MEX3A: variants seen among roughly 807,000 people sequenced by gnomAD.
The protein encoded by MEX3A is mex-3 RNA binding family member A.
Under a neutral mutation model 30.0 loss-of-function variants are expected in MEX3A, and 4 were observed. The observed-to-expected ratio is 0.13, with a 90% CI of 0.07 to 0.30. The LOEUF (loss-of-function observed/expected upper bound fraction) is 0.30. Among genes scored for constraint, MEX3A ranks in the 10% least tolerant of loss-of-function variants. The pLI, the probability that MEX3A is intolerant of heterozygous loss-of-function variation, is 1.00. For missense variants in MEX3A, 555 were observed against 736.7 expected, an observed-to-expected ratio of 0.75 and a Z score of 2.86; for synonymous variants, 335 against 327.6, an observed-to-expected ratio of 1.02 and a Z score of -0.24.
At position 156,076,431 on chromosome 1, in the gene MEX3A, A is replaced by T; in HGVS notation, c.*143T>A. ...GAAAGTGGCGCACCCTCCAGCCACCACTGCCTCCCTCCCCCCTTCCCCAGC... is the reference window on the plus strand; with the variant it reads ...GAAAGTGGCGCACCCTCCAGCCACCTCTGCCTCCCTCCCCCCTTCCCCAGC... On this transcript the variant is annotated 3_prime_UTR_variant, in exon 2 of 2. Transcript: ENST00000532414. The surrounding 1 kb of genome is among the most constrained non-coding windows in gnomAD (Gnocchi z 6.0). 1 of 868,816 alleles carries T rather than the reference A, an allele frequency of 1.2e-6. No homozygotes were observed. Among genetic ancestry groups the T allele is most frequent in the Middle Eastern group, 3.5e-4 (1 of 2,862 alleles). 53.8% of individuals were successfully genotyped at this position (868,816 alleles called of 1,614,324 possible).
chr1:156,078,845 C>T (rs1264451079), intron 1 of MEX3A, among the ~76,000 whole-genome samples: 1 of 152,106 alleles, frequency 6.6e-6, no homozygotes, highest in African/African-American at 2.4e-5. Context: ...CTAATGTACA[C>T]TTTTATACAC....
intron 1 of MEX3A, among the ~76,000 whole-genome samples, chr1:156,079,567 CTT>C (rs963259543): frequency 5.3e-5 from 8 of 152,212 alleles, no homozygotes; most frequent in Non-Finnish European, 8.8e-5. Flanking sequence ...CTTGTTTCCT[CTT>C]GTCTTCAGAC....
In MEX3A at chr1:156,073,778, T is replaced by G. The variant is rs1647980038; in HGVS notation, c.*2796A>C. 1 of 152,706 alleles carries G rather than the reference T, an allele frequency of 6.5e-6. No individual in the cohort carries two copies. Among genetic ancestry groups the G allele is most frequent in the South Asian group, 2.1e-4 (1 of 4,830 alleles). 9.5% of individuals were successfully genotyped at this position (152,706 alleles called of 1,614,324 possible). A position where few individuals can be genotyped will look rare whatever the true frequency, so the allele number is the denominator to read the frequency against. On this transcript the variant is annotated 3_prime_UTR_variant, in exon 2 of 2. Transcript: ENST00000532414. ...AGATCTCTTAAATCTCACACATCTC[T>G]GAGGGTTCCTATAGGCCTGCTAGGC...
rs780397624 is a variant in MEX3A at position 156,076,704 on chromosome 1, G to T, written c.1433C>A (p.Thr478Asn). Residue 478 changes from threonine (T) to asparagine (N), a missense_variant, in exon 2 of 2, where the codon ACT becomes AAT. Physicochemically the swap from Thr to Asn is moderately conservative, Grantham distance 65. Coordinates refer to ENST00000532414, the MANE Select transcript of MEX3A (RefSeq NM_001093725.2). The surrounding 1 kb of genome is among the most constrained non-coding windows in gnomAD (Gnocchi z 6.0). ...GTGTCCGCAGGGCACAAGGGCGGCA[G>T]TCACTTCGCTCTCAAAGCAGACCAT... ...DCMVCFESEV[T>N]AALVPCGHNL... The T allele has an allele frequency of 1.1e-5, 17 of 1,613,700 alleles. No homozygotes were observed. The Admixed American group carries it at 2.8e-4, about 27-fold the overall frequency.
rs574718934 is a variant in MEX3A at position 156,082,348 on chromosome 1, G to T, written c.-350C>A. On this transcript the variant is annotated 5_prime_UTR_variant, in exon 1 of 2. Coordinates refer to ENST00000532414, the MANE Select transcript of MEX3A (RefSeq NM_001093725.2). ...CACCCCTCCCGCCTCGGACCTGGGAGTCTCTAGCCCCCGCTGTCCAGGCGC... is the reference window on the plus strand; with the variant it reads ...CACCCCTCCCGCCTCGGACCTGGGATTCTCTAGCCCCCGCTGTCCAGGCGC... 7.2e-5 allele frequency among the ~76,000 whole-genome samples: 11 copies of T among 152,064 alleles called. No homozygotes were observed. In the East Asian group the frequency reaches 1.4e-3, roughly 19 times the overall value.
In MEX3A at chr1:156,074,425, AT is replaced by A. The variant is rs1648001441; in HGVS notation, c.*2148del. ...ACTGCTTTTTTTTTTTTTTTTTGCT[AT>A]TTTTGTTTTCTCTCCTCTGTGTTGG... On this transcript the variant is annotated 3_prime_UTR_variant, in exon 2 of 2. Transcript: ENST00000532414. The A allele has an allele frequency of 1.4e-5, 1 of 74,050 alleles. No homozygotes were observed. Among genetic ancestry groups the A allele is most frequent in the South Asian group, 3.7e-4 (1 of 2,672 alleles). The allele number at this position is 74,050 out of a possible 1,614,324, so 4.6% of individuals were successfully genotyped here.
At position 156,077,503 on chromosome 1, in the gene MEX3A, C is replaced by T. The variant is rs781221338; in HGVS notation, c.634G>A (p.Ala212Thr). Residue 212 changes from alanine (A) to threonine (T), a missense_variant, in exon 2 of 2, where the codon GCC (alanine) becomes ACC (threonine). Coordinates refer to ENST00000532414, the MANE Select transcript of MEX3A (RefSeq NM_001093725.2). The surrounding 1 kb of genome is among the most constrained non-coding windows in gnomAD (Gnocchi z 8.3). The part of the protein sequence containing the change: ...MIRASRNKSG[A>T]AFGVAPALPG... ...AGAGCAGGAGCCACACCAAAGGCGG[C>T]GCCTGACTTGTTGCGGGAGGCACGG... 4.3e-6 allele frequency: 7 copies of T among 1,612,856 alleles called. No homozygotes were observed. The Admixed American group carries it at 1.2e-4, about 27-fold the overall frequency.
Position 156,076,972 on chromosome 1 carries a change from G to C in MEX3A, c.1165C>G (p.Pro389Ala). 6.2e-7 allele frequency: 1 copy of C among 1,612,130 alleles called. No homozygotes were observed. The highest frequency in any genetic ancestry group is 8.5e-7 in the Non-Finnish European group (1 of 1,179,276). Residue 389 changes from proline to alanine, a missense_variant, in exon 2 of 2, where the codon CCC becomes GCC. Physicochemically the swap from Pro to Ala is conservative, Grantham distance 27. Transcript: ENST00000532414. The surrounding 1 kb of genome is among the most constrained non-coding windows in gnomAD (Gnocchi z 6.0). ...DVYYGVAETS[P>A]PLWAGQENAT... The stretch of plus-strand genomic sequence containing the variant: ...TTCTCCTGGCCCGCCCACAGCGGGG[G>C]GCTAGTCTCGGCCACGCCGTAGTAC...
chr1:156,079,463 G>A (rs1572300050), intron 1 of MEX3A, among the ~76,000 whole-genome samples: 1 of 151,964 alleles, frequency 6.6e-6, no homozygotes, highest in African/African-American at 2.4e-5. Context: ...TGATCCACCC[G>A]CCTCGGCCTC....
At position 156,076,982 on chromosome 1, in the gene MEX3A, G is replaced by A. The variant is rs764652522; in HGVS notation, c.1155C>T (p.Ala385=). Residue 385 remains alanine (A), a synonymous_variant, in exon 2 of 2, where the codon GCC becomes GCT. Coordinates refer to ENST00000532414, the MANE Select transcript of MEX3A (RefSeq NM_001093725.2). The surrounding 1 kb of genome is among the most constrained non-coding windows in gnomAD (Gnocchi z 6.0). ...CCGCCCACAGCGGGGGGCTAGTCTC[G>A]GCCACGCCGTAGTACACATCCTGCT... The part of the protein sequence containing the change: ...VGKQDVYYGV[A]ETSPPLWAGQ... 6 of 1,612,418 alleles carry A rather than the reference G, an allele frequency of 3.7e-6. No homozygotes were observed. The East Asian group carries it at 1.1e-4, about 30-fold the overall frequency.
intron 1 of MEX3A, among the ~76,000 whole-genome samples, chr1:156,079,372 C>T (rs1648157787): frequency 6.6e-6 from 1 of 152,100 alleles, no homozygotes; most frequent in African/African-American, 2.4e-5. Flanking sequence ...TGCCACCACG[C>T]CCAGCTAATT....
chr1:156,081,487 C>A, intron 1 of MEX3A, 58 bp downstream of exon 1: 1 of 1,451,794 alleles, frequency 6.9e-7, no homozygotes, highest in South Asian at 1.2e-5. Flanking sequence ...ACTTTCCGCG[C>A]TAGGGACGAG....
Position 156,075,621 on chromosome 1 carries a change from GGAATGGAGGGA to G in MEX3A, c.*942_*952del, listed in dbSNP as rs1648036928. On this transcript the variant is annotated 3_prime_UTR_variant, in exon 2 of 2. Transcript: ENST00000532414. ...GAGAGGGCCTCCAGATGCCTGAAGAGGAATGGAGGGACCATCCAAATATTCCTCCCCCTACT... is the reference window on the plus strand; with the variant it reads ...GAGAGGGCCTCCAGATGCCTGAAGAGCCATCCAAATATTCCTCCCCCTACT... 6.5e-6 allele frequency: 1 copy of G among 152,778 alleles called. No homozygotes were observed. The highest frequency in any genetic ancestry group is 2.4e-5 in the African/African-American group (1 of 41,440). 9.5% of individuals were successfully genotyped at this position (152,778 alleles called of 1,614,324 possible). A position where few individuals can be genotyped will look rare whatever the true frequency, so the allele number is the denominator to read the frequency against.
At chr1:156,078,661 TG>T (rs1232312264) in intron 1 of MEX3A, among the ~76,000 whole-genome samples, 1 of 152,174 alleles carries the variant, frequency 6.6e-6, no homozygotes, top group African/African-American at 2.4e-5. Context: ...GCTGCCGACC[TG>T]GGGGTCTGGA....
rs756811990 is a variant in MEX3A at position 156,076,414 on chromosome 1, C to T, written c.*160G>A. On this transcript the variant is annotated 3_prime_UTR_variant, in exon 2 of 2. Coordinates refer to ENST00000532414, the MANE Select transcript of MEX3A (RefSeq NM_001093725.2). The surrounding 1 kb of genome is among the most constrained non-coding windows in gnomAD (Gnocchi z 6.0). ...GGGTGACCAGAGGCTCTGAAAGTGG[C>T]GCACCCTCCAGCCACCACTGCCTCC... 3 of 726,998 alleles carry T rather than the reference C, an allele frequency of 4.1e-6. No homozygotes were observed. Among genetic ancestry groups the T allele is most frequent in the Middle Eastern group, 4.0e-4 (1 of 2,514 alleles). 45.0% of individuals were successfully genotyped at this position (726,998 alleles called of 1,614,324 possible).
In MEX3A at chr1:156,076,999, C is replaced by A; in HGVS notation, c.1138G>T (p.Val380Leu). 6.2e-7 allele frequency: 1 copy of A among 1,613,494 alleles called. No homozygotes were observed. The change falls in exon 2 of 2, where the codon GTG becomes TTG. Residue 380 changes from valine (V) to leucine (L), a missense_variant. Around this residue, in one of 6 missense-constraint regions of MEX3A, gnomAD observed 281 missense variants for 265.1 expected, o/e 1.06. Transcript: ENST00000532414. The surrounding 1 kb of genome is among the most constrained non-coding windows in gnomAD (Gnocchi z 6.0). ...FPGYGVGKQD[V>L]YYGVAETSPP... ...CTAGTCTCGGCCACGCCGTAGTACA[C>A]ATCCTGCTTGCCCACGCCATAGCCC... is the stretch of plus-strand genomic sequence containing the variant.
chr1:156,078,237 A>G (rs1648126275), intron 1 of MEX3A, among the ~76,000 whole-genome samples: 1 of 152,126 alleles, frequency 6.6e-6, no homozygotes, highest in South Asian at 2.1e-4. Flanking sequence ...ACTGAAGTCT[A>G]TCTGCTCTAT....
At position 156,075,149 on chromosome 1, in the gene MEX3A, C is replaced by G. The variant is rs558102761; in HGVS notation, c.*1425G>C. The G allele has an allele frequency of 2.0e-5, 3 of 152,458 alleles. No individual in the cohort carries two copies. Among genetic ancestry groups the G allele is most frequent in the East Asian group, 1.9e-4 (1 of 5,340 alleles). 9.4% of individuals were successfully genotyped at this position (152,458 alleles called of 1,614,324 possible). A position where few individuals can be genotyped will look rare whatever the true frequency, so the allele number is the denominator to read the frequency against. ...ATAGGCCCTGCTGCCCACCTCCCCC[C>G]AGTCCTGCTTTGCCCCAGGCTGACC... On this transcript the variant is annotated 3_prime_UTR_variant, in exon 2 of 2. Coordinates refer to ENST00000532414, the MANE Select transcript of MEX3A (RefSeq NM_001093725.2).
At chr1:156,080,614 T>C (rs562381411) in intron 1 of MEX3A, among the ~76,000 whole-genome samples, 18 of 151,976 alleles carry the variant, frequency 1.2e-4, no homozygotes, top group Middle Eastern at 3.4e-3. Context: ...TCTGCTCAAT[T>C]TGGACCTTCA....
Sources: gnomAD v4.1 joint callset for allele counts (sites outside exome capture counted in the v4.1 genomes callset) on GRCh38, gnomAD v4.1.1 for gene constraint, gnomAD v4.1.1 regional missense constraint, Gnocchi (gnomAD v3.1) non-coding constraint, MANE v1.5 for transcripts, NCBI Gene and HGNC (gene_info 2026-07-23, HGNC 2026-07-21) for gene names.